The following ZCCHC14 variants were observed in gnomAD, a reference collection of about 807,000 sequenced individuals.
ZCCHC14 encodes the protein zinc finger CCHC domain-containing protein 14.
ZCCHC14 carries 16 observed loss-of-function variants against 85.0 expected under a neutral mutation model. The ratio of observed to expected loss-of-function variants is 0.19; its 90% CI spans 0.13 to 0.29. The LOEUF (loss-of-function observed/expected upper bound fraction) is 0.29, where lower values mean the gene tolerates loss of function less well. ZCCHC14 is among the 10% of genes least tolerant of loss of function. The pLI is 1.00. For missense variants in ZCCHC14, 1,303 were observed against 1,443.5 expected (o/e 0.90, Z 1.58); for synonymous variants, 775 against 630.7 (o/e 1.23, Z -3.43).
At chr16:87,449,587 T>C (rs1037992430) in intron 2 of ZCCHC14, among the ~76,000 whole-genome samples, 1 of 152,144 alleles carries the variant, frequency 6.6e-6, no homozygotes, top group Non-Finnish European at 1.5e-5. Context: ...AACCAGTAGT[T>C]TTCCGCCAAA....
chr16:87,439,472 T>C (rs538541907), intron 2 of ZCCHC14, among the ~76,000 whole-genome samples: 1 of 152,314 alleles, frequency 6.6e-6, no homozygotes, highest in South Asian at 2.1e-4. Context: ...AGTCTCCCCC[T>C]TGGCATTCTG....
At chr16:87,417,846 C>G in intron 7 of ZCCHC14, 104 bp from the exon 8 acceptor site, 1 of 1,380,330 alleles carries the variant, frequency 7.2e-7, no homozygotes, top group Non-Finnish European at 9.5e-7. Flanking sequence ...GCCTCTGCCT[C>G]TTGGCCGGCC....
At chr16:87,449,727 T>C (rs570781806) in intron 2 of ZCCHC14, among the ~76,000 whole-genome samples, 1 of 152,338 alleles carries the variant, frequency 6.6e-6, no homozygotes, top group Non-Finnish European at 1.5e-5. Context: ...ATATTATTTA[T>C]GGTAGAGGGG....
At chr16:87,428,806 A>G (rs1220265151) in intron 3 of ZCCHC14, among the ~76,000 whole-genome samples, 1 of 152,242 alleles carries the variant, frequency 6.6e-6, no homozygotes, top group Admixed American at 6.5e-5. Flanking sequence ...ACTTTTTGGA[A>G]GGAGTCGTCT....
At chr16:87,463,640 G>A (rs907247563) in intron 1 of ZCCHC14, among the ~76,000 whole-genome samples, 7 of 152,128 alleles carry the variant, frequency 4.6e-5, no homozygotes, top group African/African-American at 1.7e-4. Flanking sequence ...CCAACATGGT[G>A]AATGAAACCT....
chr16:87,415,400 G>A (rs757903890), intron 8 of ZCCHC14, 33 bp from the exon 9 acceptor site: 6 of 1,585,516 alleles, frequency 3.8e-6, no homozygotes, highest in South Asian at 3.3e-5. Context: ...CAAAGTTACG[G>A]AGACATAAGT....
At chr16:87,446,504 A>G (rs903483143) in intron 2 of ZCCHC14, among the ~76,000 whole-genome samples, 3 of 150,886 alleles carry the variant, frequency 2.0e-5, no homozygotes, top group African/African-American at 7.3e-5. Context: ...AAAAATTATG[A>G]GACAGAGACT....
At chr16:87,456,058 G>A (rs1910944277) in intron 2 of ZCCHC14, among the ~76,000 whole-genome samples, 1 of 152,170 alleles carries the variant, frequency 6.6e-6, no homozygotes, top group African/African-American at 2.4e-5. Context: ...TCTAATCTAG[G>A]TGAAGGGTAC....
chr16:87,456,990 T>C (rs1911000345), intron 2 of ZCCHC14, among the ~76,000 whole-genome samples: 1 of 152,188 alleles, frequency 6.6e-6, no homozygotes, highest in Non-Finnish European at 1.5e-5. Context: ...GTAAAAGCAG[T>C]TTCCATCTCA....
At chr16:87,489,167 G>A (rs1304558629) in intron 1 of ZCCHC14, among the ~76,000 whole-genome samples, 1 of 152,202 alleles carries the variant, frequency 6.6e-6, no homozygotes, top group Non-Finnish European at 1.5e-5. Flanking sequence ...CAACAGAAAC[G>A]AAAGTTAAAT....
At chr16:87,457,720 T>C (rs1911044344) in intron 2 of ZCCHC14, among the ~76,000 whole-genome samples, 1 of 152,134 alleles carries the variant, frequency 6.6e-6, no homozygotes, top group Admixed American at 6.6e-5. Context: ...AACTTTATAG[T>C]AATAAAACTA....
intron 2 of ZCCHC14, among the ~76,000 whole-genome samples, chr16:87,454,585 T>C (rs1411428199): frequency 6.6e-6 from 1 of 152,224 alleles, no homozygotes; most frequent in Non-Finnish European, 1.5e-5. Context: ...TAAAATCCAC[T>C]GTCAGCAGAA....
intron 1 of ZCCHC14, among the ~76,000 whole-genome samples, chr16:87,462,900 C>G (rs2150761764): frequency 6.6e-6 from 1 of 151,548 alleles, no homozygotes; most frequent in African/African-American, 2.4e-5. Context: ...TGAAACCCGT[C>G]TCTACTAAAA....
In ZCCHC14 at chr16:87,408,946, T is replaced by C. The variant is rs1908319281; in HGVS notation, c.*1334A>G. The C allele has an allele frequency of 6.6e-6, 1 of 152,668 alleles. No homozygotes were observed. Among genetic ancestry groups the C allele is most frequent in the African/African-American group, 2.4e-5 (1 of 41,466 alleles). The allele number at this position is 152,668 out of a possible 1,614,324, so 9.5% of individuals were successfully genotyped here. Reference sequence around the variant, plus strand: ...TTAGCATTTTCGATAAGAGTATTATTTGAGCAGAAAATTCCCTTTAACCTT... The same window carrying C: ...TTAGCATTTTCGATAAGAGTATTATCTGAGCAGAAAATTCCCTTTAACCTT... On this transcript the variant is annotated 3_prime_UTR_variant, in exon 13 of 13. Transcript: ENST00000671377.
intron 1 of ZCCHC14, chr16:87,467,329 C>G: frequency 6.3e-7 from 1 of 1,589,442 alleles, no homozygotes; most frequent in Non-Finnish European, 8.6e-7. Context: ...CAAGCGAAAA[C>G]AGAAAAAGAT....
At chr16:87,439,763 A>C (rs1054129229) in intron 2 of ZCCHC14, among the ~76,000 whole-genome samples, 2 of 152,242 alleles carry the variant, frequency 1.3e-5, no homozygotes, top group Non-Finnish European at 2.9e-5. Flanking sequence ...GGATGATTAA[A>C]ATGTTACAAA....
chr16:87,450,541 G>A (rs941204433), intron 2 of ZCCHC14, among the ~76,000 whole-genome samples: 1 of 151,382 alleles, frequency 6.6e-6, no homozygotes, highest in Non-Finnish European at 1.5e-5. Context: ...GTGAGTAATT[G>A]GGAAAACATA....
At position 87,491,837 on chromosome 16, in the gene ZCCHC14, C is replaced by A; in HGVS notation, c.402G>T (p.Leu134=). 1 of 1,579,094 alleles carries A rather than the reference C, an allele frequency of 6.3e-7. No homozygotes were observed. The highest frequency in any genetic ancestry group is 8.6e-7 in the Non-Finnish European group (1 of 1,167,816). Residue 134 remains leucine (L), a synonymous_variant, in exon 1 of 13, where the codon CTG becomes CTT. Coordinates refer to ENST00000671377, the MANE Select transcript of ZCCHC14 (RefSeq NM_015144.3). This position sits in a 1 kb window ranked among gnomAD's most constrained non-coding sequence, Gnocchi z 5.9. ...NEGRTGDEFL[L]LFTMASNHPA... ...GGTGGTTGGAGGCCATGGTGAACAGCAGCAGGAACTCATCGCCCGTGCGGC... is the reference window on the plus strand; with the variant it reads ...GGTGGTTGGAGGCCATGGTGAACAGAAGCAGGAACTCATCGCCCGTGCGGC...
intron 1 of ZCCHC14, among the ~76,000 whole-genome samples, chr16:87,463,684 G>A (rs978267527): frequency 1.3e-5 from 2 of 152,162 alleles, no homozygotes; most frequent in Non-Finnish European, 2.9e-5. Context: ...CTTGCCAGGT[G>A]TGGTGGCGGG....
Sources: allele counts gnomAD v4.1 joint callset (sites outside exome capture counted in the v4.1 genomes callset), GRCh38; gene constraint gnomAD v4.1.1; non-coding constraint Gnocchi (gnomAD v3.1); transcripts MANE v1.5; gene names NCBI Gene and HGNC (gene_info 2026-07-23, HGNC 2026-07-21).